Variants in LPXN observed in about 807,000 individuals in gnomAD.
LPXN encodes the protein leupaxin.
In LPXN, 28 loss-of-function variants were observed where a neutral mutation model predicts 45.6. That is an observed-to-expected ratio of 0.61 (90% confidence interval 0.45 to 0.84). LPXN has a LOEUF of 0.84. Among genes scored for constraint, LPXN ranks in the 40% least tolerant of loss-of-function variants. The pLI, the probability that LPXN is intolerant of heterozygous loss-of-function variation, is 0.00. For synonymous variants in LPXN, 166 were observed against 169.9 expected, an observed-to-expected ratio of 0.98 and a Z score of 0.18; for missense variants, 459 against 475.0, an observed-to-expected ratio of 0.97 and a Z score of 0.31.
chr11:58,570,374 TG>T (rs1172431300), intron 2 of LPXN, among the ~76,000 whole-genome samples, 181 bp downstream of exon 2: 4 of 152,018 alleles, frequency 2.6e-5, no homozygotes, highest in Non-Finnish European at 5.9e-5. Flanking sequence ...CATTCCTCTG[TG>T]ATGATTTTCT....
At chr11:58,528,965 G>C (rs1392248613) in intron 7 of LPXN, among the ~76,000 whole-genome samples, 1 of 151,708 alleles carries the variant, frequency 6.6e-6, no homozygotes, top group Non-Finnish European at 1.5e-5. Context: ...CAATCAAATG[G>C]ATGTTATCTA....
In LPXN at chr11:58,575,612, A is replaced by T. The variant is rs557369129; in HGVS notation, c.13+148T>A. 7 of 913,828 alleles carry T rather than the reference A, an allele frequency of 7.7e-6. No homozygotes were observed. In the African/African-American group the frequency reaches 1.1e-4, roughly 15 times the overall value. 56.6% of individuals were successfully genotyped at this position (913,828 alleles called of 1,614,324 possible). A position where few individuals can be genotyped will look rare whatever the true frequency, so the allele number is the denominator to read the frequency against. ...AAACAATCATAGTTCCTCATGCTTC[A>T]CTCTTGGCAGGGCTGAGGACAGGAA... On this transcript the variant is annotated intron_variant, in intron 1 of 8. Transcript: ENST00000395074.
chr11:58,578,123 C>A (rs1354204788), upstream of LPXN: 3 of 1,513,112 alleles, frequency 2.0e-6, no homozygotes, highest in Non-Finnish European at 1.8e-6. Context: ...CGCAGACACC[C>A]CGAGAAAGGT....
Position 58,564,085 on chromosome 11 carries a change from CCAAA to C in LPXN, c.218+66_218+69del, listed in dbSNP as rs1233900665. 153 of 958,686 alleles carry C rather than the reference CCAAA, an allele frequency of 1.6e-4. 1 individual carries two copies. The highest frequency in any genetic ancestry group is 1.4e-3 in the East Asian group (56 of 40,024). 59.4% of individuals were successfully genotyped at this position (958,686 alleles called of 1,614,324 possible). ...AAACACTTGCAAAGCAAATTATCAC[CCAAA>C]CAAAGATTGATAACAATTATCTACT... is the stretch of plus-strand genomic sequence containing the variant. On this transcript the variant is annotated intron_variant, in intron 3 of 8. Transcript: ENST00000395074.
At position 58,527,398 on chromosome 11, in the gene LPXN, T is replaced by C. The variant is rs1395472907; in HGVS notation, c.*56A>G. On this transcript the variant is annotated 3_prime_UTR_variant, in exon 9 of 9. Coordinates refer to ENST00000395074, the MANE Select transcript of LPXN (RefSeq NM_004811.3). ...GTAACAGAAAATTTACCCTTTCCTC[T>C]CCTCTCTTGGTTTAAATTTTATAAG... The C allele has an allele frequency of 4.4e-6, 7 of 1,580,046 alleles. No individual in the cohort carries two copies. The East Asian group carries it at 1.6e-4, about 36-fold the overall frequency.
intron 2 of LPXN, among the ~76,000 whole-genome samples, chr11:58,569,462 C>T (rs1330322959): frequency 2.0e-5 from 3 of 151,976 alleles, no homozygotes; most frequent in African/African-American, 7.2e-5. Context: ...AATCATAGCT[C>T]ACTGCAGCCT....
intron 3 of LPXN, among the ~76,000 whole-genome samples, chr11:58,558,615 T>C (rs1283649367): frequency 9.4e-6 from 1 of 106,292 alleles, no homozygotes; most frequent in East Asian, 2.6e-4. Flanking sequence ...GTCAAAGGAG[T>C]AGATTAGAAA....
chr11:58,566,276 C>A (rs1017371629), intron 2 of LPXN, among the ~76,000 whole-genome samples: 1 of 152,098 alleles, frequency 6.6e-6, no homozygotes, highest in Non-Finnish European at 1.5e-5. Flanking sequence ...ACTGAGAACA[C>A]ATTTCCTCTC....
intron 7 of LPXN, among the ~76,000 whole-genome samples, chr11:58,529,021 A>T (rs1039005566): frequency 6.6e-6 from 1 of 152,146 alleles, no homozygotes; most frequent in Non-Finnish European, 1.5e-5. Context: ...TATTTCCCGA[A>T]AGGCTAATGA....
chr11:58,553,553 T>C (rs1016312520), intron 4 of LPXN, among the ~76,000 whole-genome samples: 10 of 152,180 alleles, frequency 6.6e-5, no homozygotes, highest in Non-Finnish European at 1.2e-4. Flanking sequence ...GTTTGTGATG[T>C]TTATTTACTC....
intron 7 of LPXN, among the ~76,000 whole-genome samples, chr11:58,545,766 G>C (rs1853858895): frequency 6.6e-6 from 1 of 152,158 alleles, no homozygotes; most frequent in Non-Finnish European, 1.5e-5. Flanking sequence ...AAAAAACATG[G>C]AACTTGCAGA....
At chr11:58,540,900 T>C (rs1237278226) in intron 7 of LPXN, among the ~76,000 whole-genome samples, 2 of 152,146 alleles carry the variant, frequency 1.3e-5, no homozygotes, top group Non-Finnish European at 2.9e-5. Context: ...TTTTCAACTA[T>C]CTGATCTTTG....
chr11:58,527,213 A>C lies in LPXN; in HGVS notation c.*241T>G. The C allele has an allele frequency of 2.1e-6, 1 of 477,192 alleles. No homozygotes were observed. Among genetic ancestry groups the C allele is most frequent in the Non-Finnish European group, 3.8e-6 (1 of 263,386 alleles). 29.6% of individuals were successfully genotyped at this position (477,192 alleles called of 1,614,324 possible). Reference sequence around the variant, plus strand: ...GATAGAAGGACCTAGATCTAACTCCAAGTGCTTGATTGGAGAAGAGAGGGA... The same window carrying C: ...GATAGAAGGACCTAGATCTAACTCCCAGTGCTTGATTGGAGAAGAGAGGGA... On this transcript the variant is annotated 3_prime_UTR_variant, in exon 9 of 9. Coordinates refer to ENST00000395074, the MANE Select transcript of LPXN (RefSeq NM_004811.3).
intron 8 of LPXN, 51 bp downstream of exon 8, chr11:58,527,992 A>G: frequency 3.8e-6 from 6 of 1,580,628 alleles, no homozygotes; most frequent in Non-Finnish European, 5.2e-6. Flanking sequence ...CCTCTCAGAG[A>G]GGAGAACCCT....
chr11:58,565,191 C>A (rs1460414705), intron 2 of LPXN, among the ~76,000 whole-genome samples: 1 of 152,234 alleles, frequency 6.6e-6, no homozygotes, highest in Non-Finnish European at 1.5e-5. Flanking sequence ...AATCCCAGTA[C>A]TTTGGGCAGC....
intron 3 of LPXN, 141 bp downstream of exon 3, chr11:58,564,014 C>T: frequency 1.7e-6 from 1 of 605,210 alleles, no homozygotes; most frequent in Non-Finnish European, 2.9e-6. Flanking sequence ...TCTACCTATG[C>T]TCAAAGACTA....
intron 3 of LPXN, among the ~76,000 whole-genome samples, chr11:58,562,949 A>G (rs1394318939): frequency 6.6e-6 from 1 of 152,322 alleles, no homozygotes; most frequent in East Asian, 1.9e-4. Context: ...TGGAATACAG[A>G]GCAAGAGAAG....
chr11:58,575,727 C>T, intron 1 of LPXN, 33 bp downstream of exon 1: 1 of 1,613,790 alleles, frequency 6.2e-7, no homozygotes, highest in South Asian at 1.1e-5. Flanking sequence ...AGTCTTCACT[C>T]CCTCAGAGTT....
upstream of LPXN, among the ~76,000 whole-genome samples, chr11:58,578,808 C>T (rs1379890979): frequency 6.6e-6 from 1 of 151,950 alleles, no homozygotes. Flanking sequence ...GAGACCTGCC[C>T]CTCGCACTGC....
Sources: gnomAD v4.1 joint callset for allele counts (sites outside exome capture counted in the v4.1 genomes callset) on GRCh38, gnomAD v4.1.1 for gene constraint, MANE v1.5 for transcripts, NCBI Gene and HGNC (gene_info 2026-07-23, HGNC 2026-07-21) for gene names.